USP45: variants seen among roughly 807,000 people sequenced by gnomAD.
The protein encoded by USP45 is ubiquitin specific peptidase 45.
USP45 carries 89 observed loss-of-function variants against 95.8 expected under a neutral mutation model. That is an observed-to-expected ratio of 0.93 (90% confidence interval 0.78 to 1.11). USP45 has a LOEUF of 1.11. USP45 is among the 50% of genes least tolerant of loss of function. The pLI is 0.00. For synonymous variants in USP45, 281 were observed against 316.2 expected (o/e 0.89, Z 1.18); for missense variants, 898 against 942.5 (o/e 0.95, Z 0.62).
At chr6:99,448,159 TC>T (rs1236901513) in intron 13 of USP45, among the ~76,000 whole-genome samples, 1 of 152,102 alleles carries the variant, frequency 6.6e-6, no homozygotes, top group Non-Finnish European at 1.5e-5. Context: ...GGAACACAGC[TC>T]CTCGCCAGCA....
chr6:99,445,665 T>C (rs111857695), intron 14 of USP45, 132 bp downstream of exon 14: 16 of 701,636 alleles, frequency 2.3e-5, no homozygotes, highest in African/African-American at 1.6e-4. Context: ...CAGGTACAAA[T>C]ATGAATGAAA....
chr6:99,443,679 A>C lies in USP45; in HGVS notation c.1976-17T>G. 6.9e-7 allele frequency: 1 copy of C among 1,454,302 alleles called. No homozygotes were observed. The highest frequency in any genetic ancestry group is 2.0e-5 in the Admixed American group (1 of 49,078). The allele number at this position is 1,454,302 out of a possible 1,614,324, so 90.1% of individuals were successfully genotyped here. A position where few individuals can be genotyped will look rare whatever the true frequency, so the allele number is the denominator to read the frequency against. On this transcript the variant is annotated splice_polypyrimidine_tract_variant and intron_variant, in intron 14 of 17. Coordinates refer to ENST00000500704, the MANE Select transcript of USP45 (RefSeq NM_001346022.3). ...CTTTCTTTTCTACATAAAATACAAT[A>C]AATTTATTTATAAAATTCCATTTTA...
chr6:99,451,120 G>A (rs1783753225), intron 13 of USP45, among the ~76,000 whole-genome samples: 1 of 152,056 alleles, frequency 6.6e-6, no homozygotes, highest in African/African-American at 2.4e-5. Flanking sequence ...TTTGAAAACT[G>A]GCACAAGACA....
At position 99,435,124 on chromosome 6, in the gene USP45, A is replaced by G. The variant is rs1288356500; in HGVS notation, c.*592T>C. On this transcript the variant is annotated 3_prime_UTR_variant, in exon 18 of 18. Transcript: ENST00000500704. ...AAATTATGTGTTATAGCAGTTTCCTAAATGGTAGTACACATATATACCACT... is the reference window on the plus strand; with the variant it reads ...AAATTATGTGTTATAGCAGTTTCCTGAATGGTAGTACACATATATACCACT... The G allele has an allele frequency of 6.6e-6, 1 of 152,588 alleles. No individual in the cohort carries two copies. The highest frequency in any genetic ancestry group is 1.5e-5 in the Non-Finnish European group (1 of 68,010). 9.5% of individuals were successfully genotyped at this position (152,588 alleles called of 1,614,324 possible).
chr6:99,514,792 T>C (rs1800760857), intron 1 of USP45: 1 of 152,232 alleles, frequency 6.6e-6, no homozygotes, highest in Non-Finnish European at 1.5e-5. Flanking sequence ...ATGGTTTTGC[T>C]GTGTATCACG....
chr6:99,438,720 G>T (rs1780978985), intron 16 of USP45, among the ~76,000 whole-genome samples: 1 of 152,026 alleles, frequency 6.6e-6, no homozygotes, highest in Admixed American at 6.6e-5. Flanking sequence ...TTATCTGTTA[G>T]AGATACATAG....
At chr6:99,501,140 C>T (rs1268990281) in intron 5 of USP45, among the ~76,000 whole-genome samples, 1 of 152,070 alleles carries the variant, frequency 6.6e-6, no homozygotes, top group Non-Finnish European at 1.5e-5. Flanking sequence ...TCCCTCACTA[C>T]ATGTAATCCA....
chr6:99,501,191 C>G (rs1409359020), intron 5 of USP45, among the ~76,000 whole-genome samples: 2 of 151,734 alleles, frequency 1.3e-5, no homozygotes, highest in Admixed American at 6.6e-5. Context: ...CACCTGCCCC[C>G]CCACAATCAC....
At chr6:99,456,689 T>C (rs912592178) in intron 13 of USP45, among the ~76,000 whole-genome samples, 1 of 152,206 alleles carries the variant, frequency 6.6e-6, no homozygotes, top group African/African-American at 2.4e-5. Flanking sequence ...GAGGAGGATG[T>C]ATGTTGCCTC....
At chr6:99,484,330 G>T (rs537308474) in intron 7 of USP45, among the ~76,000 whole-genome samples, 5 of 150,424 alleles carry the variant, frequency 3.3e-5, no homozygotes, top group Non-Finnish European at 7.4e-5. Flanking sequence ...AGCATATCCA[G>T]TTGATTTTTA....
At chr6:99,459,867 G>A (rs1269664190) in intron 13 of USP45, among the ~76,000 whole-genome samples, 1 of 152,118 alleles carries the variant, frequency 6.6e-6, no homozygotes, top group East Asian at 1.9e-4. Flanking sequence ...AATGGTGGTG[G>A]GGAATAGGGA....
chr6:99,437,178 A>T, intron 17 of USP45, 68 bp downstream of exon 17: 1 of 1,479,120 alleles, frequency 6.8e-7, no homozygotes, highest in Middle Eastern at 1.9e-4. Flanking sequence ...ATAATAACTT[A>T]GCTCTCCCAG....
intron 5 of USP45, among the ~76,000 whole-genome samples, chr6:99,492,280 C>T (rs1795342539): frequency 6.6e-6 from 1 of 152,192 alleles, no homozygotes; most frequent in Non-Finnish European, 1.5e-5. Flanking sequence ...TTTTCAGCAC[C>T]ACCTGGCTCT....
intron 11 of USP45, 65 bp from the exon 12 acceptor site, chr6:99,465,201 G>A: frequency 1.5e-6 from 2 of 1,360,800 alleles, no homozygotes; most frequent in Middle Eastern, 1.9e-4. Flanking sequence ...GTTTTGTAAA[G>A]TACAAAGAAA....
At chr6:99,457,233 T>C (rs1562331818) in intron 13 of USP45, among the ~76,000 whole-genome samples, 1 of 152,230 alleles carries the variant, frequency 6.6e-6, no homozygotes, top group Non-Finnish European at 1.5e-5. Context: ...CCTTGTGATA[T>C]TCTATTACCT....
chr6:99,446,179 A>T lies in USP45; in HGVS notation c.1593T>A (p.Asp531Glu). Reference sequence around the variant, plus strand: ...CTGCTGACAGAGGGTAAAGGGGTCCATCTGGCTGCACACCGGATCCACTAC... The same window carrying T: ...CTGCTGACAGAGGGTAAAGGGGTCCTTCTGGCTGCACACCGGATCCACTAC... The part of the protein sequence containing the change: ...RSSSGSGVQP[D>E]GPLYPLSAGK... Residue 531 changes from aspartate to glutamate, a missense_variant, in exon 14 of 18, where the codon GAT becomes GAA. Coordinates refer to ENST00000500704, the MANE Select transcript of USP45 (RefSeq NM_001346022.3). 6.2e-7 allele frequency: 1 copy of T among 1,614,162 alleles called. No homozygotes were observed. Among genetic ancestry groups the T allele is most frequent in the Non-Finnish European group, 8.5e-7 (1 of 1,180,032 alleles).
intron 13 of USP45, among the ~76,000 whole-genome samples, chr6:99,459,260 G>T (rs1388990174): frequency 6.6e-6 from 1 of 152,082 alleles, no homozygotes; most frequent in Non-Finnish European, 1.5e-5. Context: ...TCCTGTGTGA[G>T]TTTGCTAACG....
intron 16 of USP45, among the ~76,000 whole-genome samples, chr6:99,439,565 T>C (rs1162024492): frequency 6.6e-6 from 1 of 152,204 alleles, no homozygotes; most frequent in African/African-American, 2.4e-5. Context: ...TGCCTTACCT[T>C]TTCAATTTTC....
rs1391855530 is a variant in USP45, at chr6:99,446,173, G to A, written c.1599C>T (p.Pro533=). 6.2e-7 allele frequency: 1 copy of A among 1,614,104 alleles called. No homozygotes were observed. Among genetic ancestry groups the A allele is most frequent in the East Asian group, 2.2e-5 (1 of 44,866 alleles). The change falls in exon 14 of 18, where the codon CCC becomes CCT. Residue 533 remains proline, a synonymous_variant. Coordinates refer to ENST00000500704, the MANE Select transcript of USP45 (RefSeq NM_001346022.3). The part of the protein sequence containing the change: ...SSGSGVQPDG[P]LYPLSAGKLL... Reference sequence around the variant, plus strand: ...GTTTACCTGCTGACAGAGGGTAAAGGGGTCCATCTGGCTGCACACCGGATC... The same window carrying A: ...GTTTACCTGCTGACAGAGGGTAAAGAGGTCCATCTGGCTGCACACCGGATC...
Sources: gnomAD v4.1 joint callset for allele counts (sites outside exome capture counted in the v4.1 genomes callset) on GRCh38, gnomAD v4.1.1 for gene constraint, MANE v1.5 for transcripts, NCBI Gene and HGNC (gene_info 2026-07-23, HGNC 2026-07-21) for gene names.